The following GRM3 variants were observed in gnomAD, a reference collection of about 807,000 sequenced individuals.
GRM3 encodes glutamate metabotropic receptor 3, also known as metabotropic glutamate receptor 3.
GRM3 carries 26 observed loss-of-function variants against 70.5 expected under a neutral mutation model. The ratio of observed to expected loss-of-function variants is 0.37; its 90% CI spans 0.27 to 0.51. GRM3 has a LOEUF of 0.51. Ranked by LOEUF, GRM3 falls within the 20% of genes least tolerant of loss-of-function variation. The pLI, the probability that GRM3 is intolerant of heterozygous loss-of-function variation, is 0.93. For synonymous variants in GRM3, 443 were observed against 434.9 expected (o/e 1.02, Z -0.23); for missense variants, 859 against 1,123.8 (o/e 0.76, Z 3.37).
chr7:86,786,381 C>A lies in GRM3; in HGVS notation c.589C>A (p.Gln197Lys). 1 of 1,614,198 alleles carries A rather than the reference C, an allele frequency of 6.2e-7. No individual in the cohort carries two copies. Among genetic ancestry groups the A allele is most frequent in the Non-Finnish European group, 8.5e-7 (1 of 1,180,038 alleles). The stretch of plus-strand genomic sequence containing the variant: ...CAGGACCGTGCCCCCCGACTTCTAC[C>A]AGGCCAAAGCCATGGCTGAGATCTT... Reference protein sequence around the residue: ...FARTVPPDFYQAKAMAEILRF... With the variant: ...FARTVPPDFYKAKAMAEILRF... Residue 197 changes from glutamine to lysine, a missense_variant, in exon 3 of 6, where the codon CAG becomes AAG. Gln to Lys is a moderately conservative substitution (Grantham distance 53, BLOSUM62 1). Transcript: ENST00000361669. This position sits in a 1 kb window ranked among gnomAD's most constrained non-coding sequence, Gnocchi z 6.0.
chr7:86,834,581 C>G (rs551126557), intron 3 of GRM3, among the ~76,000 whole-genome samples: 2 of 143,820 alleles, frequency 1.4e-5, no homozygotes, highest in East Asian at 2.0e-4. Flanking sequence ...GCTCTGCTTT[C>G]TCCATTTTTT....
chr7:86,760,433 C>T (rs1175976087), intron 1 of GRM3, among the ~76,000 whole-genome samples: 2 of 152,036 alleles, frequency 1.3e-5, no homozygotes, highest in Non-Finnish European at 1.5e-5. Flanking sequence ...TCATCATCCC[C>T]GAATGGAGAA....
chr7:86,732,545 A>G (rs1294308818), intron 1 of GRM3, among the ~76,000 whole-genome samples: 2 of 152,238 alleles, frequency 1.3e-5, no homozygotes, highest in Non-Finnish European at 1.5e-5. Context: ...AACAAAAACA[A>G]TAATAACAGC....
At position 86,765,302 on chromosome 7, in the gene GRM3, G is replaced by A. The variant is rs1168442663; in HGVS notation, c.157G>A (p.Gly53Arg). 2 of 1,613,848 alleles carry A rather than the reference G, an allele frequency of 1.2e-6. No individual in the cohort carries two copies. Among genetic ancestry groups the A allele is most frequent in the Non-Finnish European group, 1.7e-6 (2 of 1,179,852 alleles). Residue 53 changes from glycine to arginine, a missense_variant, in exon 2 of 6, where the codon GGA (glycine) becomes AGA (arginine). By Grantham distance (125) the Gly-to-Arg change is moderately radical. Transcript: ENST00000361669. ...GLFPINEKGT[G>R]TEECGRINED... is the part of the protein sequence containing the mutation. ...GTTTCCTATTAACGAAAAAGGCACT[G>A]GAACTGAAGAATGTGGGCGAATCAA...
intron 1 of GRM3, among the ~76,000 whole-genome samples, chr7:86,671,868 T>C (rs1794181089): frequency 6.6e-6 from 1 of 152,164 alleles, no homozygotes; most frequent in African/African-American, 2.4e-5. Context: ...CCTTATCCAT[T>C]TACTGACCTT....
At chr7:86,665,401 C>A (rs1376049592) in intron 1 of GRM3, among the ~76,000 whole-genome samples, 1 of 152,046 alleles carries the variant, frequency 6.6e-6, no homozygotes, top group African/African-American at 2.4e-5. Context: ...GGCTCTGGCA[C>A]TTGATAGGTG....
At chr7:86,779,122 A>G (rs1796974025) in intron 2 of GRM3, among the ~76,000 whole-genome samples, 1 of 152,220 alleles carries the variant, frequency 6.6e-6, no homozygotes. Flanking sequence ...CCATCTGTGA[A>G]TGAGTATGGC....
At chr7:86,773,791 A>G (rs1302196361) in intron 2 of GRM3, among the ~76,000 whole-genome samples, 1 of 152,088 alleles carries the variant, frequency 6.6e-6, no homozygotes, top group East Asian at 1.9e-4. Context: ...TTCTCATCAG[A>G]AGTAATTATC....
chr7:86,703,501 C>A (rs1794991356), intron 1 of GRM3, among the ~76,000 whole-genome samples: 1 of 151,968 alleles, frequency 6.6e-6, no homozygotes, highest in South Asian at 2.1e-4. Flanking sequence ...TGAAACACAT[C>A]AGAAGAGTGT....
At chr7:86,729,601 A>C (rs1795677503) in intron 1 of GRM3, among the ~76,000 whole-genome samples, 1 of 152,240 alleles carries the variant, frequency 6.6e-6, no homozygotes, top group Non-Finnish European at 1.5e-5. Context: ...GTTGTAATTT[A>C]AAGAAAATTA....
chr7:86,772,106 C>T (rs1288198753), intron 2 of GRM3, among the ~76,000 whole-genome samples: 1 of 152,074 alleles, frequency 6.6e-6, no homozygotes, highest in African/African-American at 2.4e-5. Flanking sequence ...CTATAAGCCA[C>T]TTGAGTTTAA....
In GRM3 at chr7:86,755,116, C is replaced by A. The variant is rs575441441; in HGVS notation, c.-140-9890C>A. On this transcript the variant is annotated intron_variant, in intron 1 of 5. Transcript: ENST00000361669. ...GGTTAATCAGGTGTGTCATAAGCCACCCATCAAGCCAGGAATGAATTCACC... is the reference window on the plus strand; with the variant it reads ...GGTTAATCAGGTGTGTCATAAGCCAACCATCAAGCCAGGAATGAATTCACC... 2.6e-5 allele frequency among the ~76,000 whole-genome samples: 4 copies of A among 151,920 alleles called. No individual in the cohort carries two copies. In the East Asian group the frequency reaches 5.8e-4, roughly 22 times the overall value.
At chr7:86,742,188 T>C (rs760395254) in intron 1 of GRM3, among the ~76,000 whole-genome samples, 7 of 152,124 alleles carry the variant, frequency 4.6e-5, no homozygotes, top group Non-Finnish European at 8.8e-5. Context: ...TCTATATGGT[T>C]GCTTAGTTTC....
intron 1 of GRM3, among the ~76,000 whole-genome samples, chr7:86,746,487 G>GAA (rs144386595): frequency 9.7e-5 from 14 of 144,848 alleles, no homozygotes; most frequent in South Asian, 2.2e-4. Context: ...AACTTAGAAT[G>GAA]AAAAAAAAAA....
chr7:86,758,151 G>C (rs1320315527), intron 1 of GRM3, among the ~76,000 whole-genome samples: 1 of 151,962 alleles, frequency 6.6e-6, no homozygotes, highest in African/African-American at 2.4e-5. Flanking sequence ...AAACAGAAGA[G>C]TTAATTCACT....
chr7:86,802,708 T>C (rs1162530859), intron 3 of GRM3, among the ~76,000 whole-genome samples: 1 of 152,100 alleles, frequency 6.6e-6, no homozygotes, highest in Admixed American at 6.5e-5. Flanking sequence ...CAAACCTCCA[T>C]ATATTTAATT....
chr7:86,823,608 C>T (rs12704291), intron 3 of GRM3, among the ~76,000 whole-genome samples: 7,040 of 44,502 alleles, frequency 0.16, 414 homozygotes, highest in Non-Finnish European at 0.21. Flanking sequence ...TTTTTTTTGG[C>T]GGGGGGGGAT....
At chr7:86,792,935 C>T (rs1797455738) in intron 3 of GRM3, among the ~76,000 whole-genome samples, 1 of 150,966 alleles carries the variant, frequency 6.6e-6, no homozygotes, top group Non-Finnish European at 1.5e-5. Flanking sequence ...CATAACAGGA[C>T]TGAATAGTAT....
chr7:86,848,158 C>T (rs1230222607), intron 4 of GRM3, among the ~76,000 whole-genome samples: 2 of 152,124 alleles, frequency 1.3e-5, no homozygotes, highest in South Asian at 2.1e-4. Flanking sequence ...AAGGTACTAC[C>T]ATCATTTTCA....
Sources: gnomAD v4.1 joint callset for allele counts (sites outside exome capture counted in the v4.1 genomes callset) on GRCh38, gnomAD v4.1.1 for gene constraint, Gnocchi (gnomAD v3.1) non-coding constraint, MANE v1.5 for transcripts, NCBI Gene and HGNC (gene_info 2026-07-23, HGNC 2026-07-21) for gene names.